The following DRC9 variants were observed in gnomAD, a reference collection of about 807,000 sequenced individuals.
DRC9 encodes dynein regulatory complex subunit 9, also known as dynein regulatory complex protein 9.
At chr3:197,938,645 C>T in the DRC9 span, 20 of 1,614,026 alleles carry the variant, frequency 1.2e-5, no homozygotes, top group African/African-American at 1.1e-4. Context: ...AACTCCACAG[C>T]GAACCGGCCT....
the DRC9 span, among the ~76,000 whole-genome samples, chr3:197,895,529 T>C: frequency 0.14 from 20,979 of 152,128 alleles, 1,589 homozygotes; most frequent in South Asian, 0.19. Flanking sequence ...GCCTCCCAAA[T>C]TGCTGGGATT....
At chr3:197,921,494 T>C in the DRC9 span, among the ~76,000 whole-genome samples, 5 of 95,032 alleles carry the variant, frequency 5.3e-5, no homozygotes, top group Admixed American at 1.1e-4. Context: ...GGGATTTAAC[T>C]TGGTTTCTTC....
chr3:197,918,747 A>G, the DRC9 span, among the ~76,000 whole-genome samples: 1 of 152,236 alleles, frequency 6.6e-6, no homozygotes, highest in Admixed American at 6.5e-5. Flanking sequence ...TCAGAAATGC[A>G]GAGTTAAAAG....
chr3:197,899,774 A>G, the DRC9 span, among the ~76,000 whole-genome samples: 1 of 152,160 alleles, frequency 6.6e-6, no homozygotes, highest in African/African-American at 2.4e-5. Flanking sequence ...TAAATTTGAC[A>G]ACTATCTGTA....
the DRC9 span, among the ~76,000 whole-genome samples, chr3:197,933,581 T>C: frequency 1.3e-5 from 2 of 152,150 alleles, no homozygotes; most frequent in Admixed American, 1.3e-4. Context: ...TGAATATTTA[T>C]GTACGTAACA....
At chr3:197,913,345 C>T in the DRC9 span, 9 of 225,448 alleles carry the variant, frequency 4.0e-5, no homozygotes, top group Non-Finnish European at 6.9e-5. Context: ...TGCGTGCGTG[C>T]GTGTGTGCGT....
At chr3:197,946,465 T>C in the DRC9 span, among the ~76,000 whole-genome samples, 1 of 150,100 alleles carries the variant, frequency 6.7e-6, no homozygotes, top group Admixed American at 6.6e-5. Context: ...AGGAAAACTG[T>C]ATTAATCCTG....
the DRC9 span, among the ~76,000 whole-genome samples, chr3:197,890,532 C>G: frequency 1.3e-5 from 2 of 152,144 alleles, no homozygotes; most frequent in African/African-American, 2.4e-5. Context: ...ATTTAGTTAG[C>G]TTTCTTGAAT....
the DRC9 span, among the ~76,000 whole-genome samples, chr3:197,890,576 G>A: frequency 0.11 from 17,194 of 152,088 alleles, 1,211 homozygotes; most frequent in African/African-American, 0.19. Context: ...TTCTCAATAC[G>A]GTCTCTACTG....
At chr3:197,915,009 C>T in the DRC9 span, among the ~76,000 whole-genome samples, 3 of 151,178 alleles carry the variant, frequency 2.0e-5, no homozygotes, top group Non-Finnish European at 2.9e-5. Flanking sequence ...ACTAAAAATA[C>T]GAAAAATAGC....
chr3:197,934,800 C>A, the DRC9 span, among the ~76,000 whole-genome samples: 3 of 122,984 alleles, frequency 2.4e-5, no homozygotes, highest in African/African-American at 9.1e-5. Context: ...AGACCCCCTC[C>A]CCCCACCCCA....
At chr3:197,953,929 C>A in the DRC9 span, 1 of 1,513,780 alleles carries the variant, frequency 6.6e-7, no homozygotes, top group Non-Finnish European at 9.2e-7. Context: ...GAGAGCCACT[C>A]GTGTAGAGGT....
chr3:197,890,190 G>A, the DRC9 span, among the ~76,000 whole-genome samples: 1 of 152,056 alleles, frequency 6.6e-6, no homozygotes, highest in Non-Finnish European at 1.5e-5. Flanking sequence ...GAGCTCAAGG[G>A]TTTGAGACCA....
chr3:197,950,187 G>C, the DRC9 span: 12 of 1,231,724 alleles, frequency 9.7e-6, no homozygotes, highest in African/African-American at 1.9e-4. Context: ...GCGGGGCCTC[G>C]TCCTTCTCTT....
the DRC9 span, among the ~76,000 whole-genome samples, chr3:197,935,163 G>A: frequency 7.2e-5 from 11 of 152,210 alleles, no homozygotes; most frequent in South Asian, 1.7e-3. Context: ...TTTTGTGGCC[G>A]GGCGCAGTGG....
the DRC9 span, chr3:197,953,668 C>T: frequency 2.8e-4 from 124 of 440,790 alleles, no homozygotes; most frequent in Non-Finnish European, 4.4e-4. Flanking sequence ...CAGGTAATTC[C>T]TCCTTTCTGT....
chr3:197,930,448 GTTACAGGCGTGATCCTAGCACTTTGA>G, the DRC9 span, among the ~76,000 whole-genome samples: 2 of 151,650 alleles, frequency 1.3e-5, no homozygotes, highest in Admixed American at 6.6e-5. Flanking sequence ...TGTGGTTGGG[GTTACAGGCGTGATCCTAGCACTTTGA>G]TTACAGGCAT....
the DRC9 span, among the ~76,000 whole-genome samples, chr3:197,902,435 A>G: frequency 3.3e-5 from 5 of 152,320 alleles, no homozygotes; most frequent in Admixed American, 1.3e-4. Context: ...AGAGAATTCA[A>G]AATAGCCATT....
chr3:197,945,098 C>G, the DRC9 span, among the ~76,000 whole-genome samples: 1 of 152,100 alleles, frequency 6.6e-6, no homozygotes, highest in East Asian at 1.9e-4. Context: ...TACACCACAC[C>G]GAGCAGGACT....
Sources: allele counts gnomAD v4.1 joint callset (sites outside exome capture counted in the v4.1 genomes callset), GRCh38; gene constraint gnomAD v4.1.1; transcripts MANE v1.5; gene names NCBI Gene and HGNC (gene_info 2026-07-23, HGNC 2026-07-21).